Variants in HERC2 observed in about 807,000 individuals in gnomAD.
HERC2 encodes the protein HECT and RLD domain containing E3 ubiquitin protein ligase 2.
A neutral mutation model predicts 537.7 loss-of-function variants in HERC2; 102 were observed. The ratio of observed to expected loss-of-function variants is 0.19; its 90% CI spans 0.16 to 0.22. The LOEUF (loss-of-function observed/expected upper bound fraction) is 0.22, where lower values mean the gene tolerates loss of function less well. HERC2 is among the 10% of genes least tolerant of loss of function. HERC2 has a pLI of 1.00. For missense variants in HERC2, 4,236 were observed against 6,198.2 expected (o/e 0.68, Z 10.63); for synonymous variants, 2,224 against 2,466.2 (o/e 0.90, Z 2.91).
chr15:28,302,788 T>C (rs565984624), intron 2 of HERC2, among the ~76,000 whole-genome samples: 65 of 150,768 alleles, frequency 4.3e-4, no homozygotes, highest in African/African-American at 1.5e-3. Flanking sequence ...TACTGCCTGT[T>C]TGTCATTTGT....
chr15:28,300,137 A>G (rs1043106807), intron 2 of HERC2, among the ~76,000 whole-genome samples: 88 of 152,142 alleles, frequency 5.8e-4, no homozygotes, highest in Non-Finnish European at 7.8e-4. Flanking sequence ...AAGATAAACC[A>G]AAAGCAAGTA....
chr15:28,206,547 C>T (rs951758873), intron 44 of HERC2, among the ~76,000 whole-genome samples, 165 bp from the exon 45 acceptor site: 2 of 151,376 alleles, frequency 1.3e-5, no homozygotes, highest in African/African-American at 4.9e-5. Flanking sequence ...AAAAACTAGA[C>T]TCTAGGTTGG....
chr15:28,286,600 G>A lies in HERC2; in HGVS notation c.322+6288C>T, dbSNP rs148287389. ...AAATTCTCAGAAAATAGCAACAAAC[G>A]GGAACTTCATCATCTTGATAAACAG... On this transcript the variant is annotated intron_variant, in intron 4 of 92. Transcript: ENST00000261609. 3.8e-3 allele frequency among the ~76,000 whole-genome samples: 583 copies of A among 152,028 alleles called. 8 individuals carry two copies. Among genetic ancestry groups the A allele is most frequent in the South Asian group, 0.031 (149 of 4,808 alleles).
chr15:28,314,080 G>C, intron 2 of HERC2, among the ~76,000 whole-genome samples: 1 of 152,188 alleles, frequency 6.6e-6, no homozygotes, highest in South Asian at 2.1e-4. Context: ...AGTGACCTGG[G>C]ATTGCCTAGA....
intron 55 of HERC2, among the ~76,000 whole-genome samples, chr15:28,190,038 T>C (rs1328167477): frequency 1.3e-5 from 2 of 150,236 alleles, no homozygotes; most frequent in Non-Finnish European, 3.0e-5. Flanking sequence ...GACAAGAGTC[T>C]GGCTCTGTCG....
At chr15:28,191,897 G>C in intron 53 of HERC2, 64 bp downstream of exon 53, 1 of 1,451,324 alleles carries the variant, frequency 6.9e-7, no homozygotes, top group South Asian at 1.3e-5. Context: ...AGTTCATTTT[G>C]AAAATGTACA....
At chr15:28,114,932 G>A in intron 89 of HERC2, 130 bp from the exon 90 acceptor site, 1 of 680,992 alleles carries the variant, frequency 1.5e-6, no homozygotes. Context: ...GGCTGCAAGT[G>A]CATGGCACAC....
intron 70 of HERC2, among the ~76,000 whole-genome samples, chr15:28,149,348 A>C (rs1279472334): frequency 6.6e-6 from 1 of 151,756 alleles, no homozygotes; most frequent in Admixed American, 6.6e-5. Context: ...TTCTAGTAAA[A>C]TTACCAAAAA....
At chr15:28,139,222 T>A (rs1010735947) in intron 78 of HERC2, among the ~76,000 whole-genome samples, 1 of 152,236 alleles carries the variant, frequency 6.6e-6, no homozygotes, top group Non-Finnish European at 1.5e-5. Context: ...GACCTGCTTC[T>A]GATGAGCAGA....
chr15:28,281,457 T>C (rs1189868097), intron 4 of HERC2, among the ~76,000 whole-genome samples: 3 of 152,164 alleles, frequency 2.0e-5, no homozygotes, highest in Non-Finnish European at 4.4e-5. Flanking sequence ...CTCGCAGCCC[T>C]GGATCCTCAC....
At chr15:28,165,857 T>C (rs1894083406) in intron 68 of HERC2, among the ~76,000 whole-genome samples, 1 of 152,202 alleles carries the variant, frequency 6.6e-6, no homozygotes, top group Non-Finnish European at 1.5e-5. Context: ...CACACACATA[T>C]TCATTCTCTA....
chr15:28,209,850 A>T (rs1177881216), intron 44 of HERC2, among the ~76,000 whole-genome samples: 1 of 152,106 alleles, frequency 6.6e-6, no homozygotes. Context: ...TGGATACACA[A>T]CATAAGAATA....
At chr15:28,244,002 C>T (rs1173799607) in intron 23 of HERC2, among the ~76,000 whole-genome samples, 2 of 152,116 alleles carry the variant, frequency 1.3e-5, no homozygotes, top group African/African-American at 2.4e-5. Context: ...AGAGGGAGAC[C>T]GTGTCTCTAC....
chr15:28,181,918 A>T (rs1895861593), intron 57 of HERC2, among the ~76,000 whole-genome samples: 1 of 152,208 alleles, frequency 6.6e-6, no homozygotes, highest in African/African-American at 2.4e-5. Context: ...AGAATAAGGC[A>T]AGTGTGTATG....
intron 12 of HERC2, among the ~76,000 whole-genome samples, chr15:28,267,436 G>A (rs985588356): frequency 6.6e-6 from 1 of 152,184 alleles, no homozygotes; most frequent in African/African-American, 2.4e-5. Context: ...TACCATAAAG[G>A]AAGTAAGCAG....
intron 2 of HERC2, among the ~76,000 whole-genome samples, chr15:28,303,991 C>T (rs145904322): frequency 0.042 from 6,313 of 151,928 alleles, 188 homozygotes; most frequent in Non-Finnish European, 0.069. Flanking sequence ...TGTGGTGAAA[C>T]CCTGTCTCTA....
intron 70 of HERC2, 104 bp from the exon 71 acceptor site, chr15:28,146,448 A>C: frequency 1.3e-6 from 1 of 755,518 alleles, no homozygotes; most frequent in Non-Finnish European, 2.3e-6. Context: ...AATAGCAGAA[A>C]GTCAGAAAGA....
Position 28,268,756 on chromosome 15 carries a change from C to T in HERC2, c.1447-140G>A, listed in dbSNP as rs888842861. On this transcript the variant is annotated intron_variant, in intron 11 of 92. Coordinates refer to ENST00000261609, the MANE Select transcript of HERC2 (RefSeq NM_004667.6). This position sits in a 1 kb window ranked among gnomAD's most constrained non-coding sequence, Gnocchi z 4.7. ...CATAAGTCTCTGGGAACTACGGGGCCGGCTCTCCAGCCCTTCCCACCCAGC... is the reference window on the plus strand; with the variant it reads ...CATAAGTCTCTGGGAACTACGGGGCTGGCTCTCCAGCCCTTCCCACCCAGC... The T allele has an allele frequency of 9.4e-5, 67 of 712,966 alleles. No homozygotes were observed. The highest frequency in any genetic ancestry group is 1.4e-4 in the Non-Finnish European group (60 of 430,374). The allele number at this position is 712,966 out of a possible 1,614,324, so 44.2% of individuals were successfully genotyped here. A position where few individuals can be genotyped will look rare whatever the true frequency, so the allele number is the denominator to read the frequency against.
intron 72 of HERC2, among the ~76,000 whole-genome samples, 198 bp downstream of exon 72, chr15:28,144,475 T>C (rs970593738): frequency 5.3e-5 from 8 of 151,900 alleles, no homozygotes; most frequent in African/African-American, 1.9e-4. Context: ...TGAGGAGGAG[T>C]GTGAGCCTGA....
Sources: allele counts gnomAD v4.1 joint callset (sites outside exome capture counted in the v4.1 genomes callset), GRCh38; gene constraint gnomAD v4.1.1; non-coding constraint Gnocchi (gnomAD v3.1); transcripts MANE v1.5; gene names NCBI Gene and HGNC (gene_info 2026-07-23, HGNC 2026-07-21).